The following ANKS3 variants were observed in gnomAD, a reference collection of about 807,000 sequenced individuals.
The protein encoded by ANKS3 is ankyrin repeat and SAM domain-containing protein 3.
A neutral mutation model predicts 80.7 loss-of-function variants in ANKS3; 62 were observed. The observed-to-expected ratio is 0.77, with a 90% confidence interval of 0.63 to 0.95. The LOEUF (loss-of-function observed/expected upper bound fraction) is 0.95, where lower values mean the gene tolerates loss of function less well. Among genes scored for constraint, ANKS3 ranks in the 40% least tolerant of loss-of-function variants. The probability of loss-of-function intolerance (pLI) is 0.00; values close to 1 mark genes in which losing one functional copy is unlikely to be tolerated. For missense variants in ANKS3, 1,150 were observed against 883.6 expected (o/e 1.30, Z -3.82); for synonymous variants, 489 against 355.3 (o/e 1.38, Z -4.23).
intron 1 of ANKS3, among the ~76,000 whole-genome samples, chr16:4,733,350 G>C (rs1050324841): frequency 3.3e-5 from 5 of 151,608 alleles, no homozygotes; most frequent in Non-Finnish European, 5.9e-5. Flanking sequence ...AGAGTGCAGC[G>C]GCGTGATCTC....
rs575907316 is a variant in ANKS3 at position 4,731,108 on chromosome 16, A to G, written c.-3+404T>C. Among the ~76,000 whole-genome samples the G allele has an allele frequency of 5.3e-5, 8 of 152,328 alleles. No homozygotes were observed. In the East Asian group the frequency reaches 1.2e-3, roughly 22 times the overall value. ...CGCTAAATGGAAGAAGCCTGCCTAC[A>G]GTATAATTTCACTTACATGACATTC... On this transcript the variant is annotated intron_variant, in intron 2 of 17. Transcript: ENST00000304283.
chr16:4,721,319 AAG>A (rs1334754489), intron 6 of ANKS3, among the ~76,000 whole-genome samples: 3 of 149,856 alleles, frequency 2.0e-5, no homozygotes, highest in East Asian at 2.0e-4. Context: ...AAAAAAAAAA[AAG>A]AGAGGGGCTG....
intron 9 of ANKS3, 120 bp downstream of exon 9, chr16:4,701,982 T>C: frequency 7.8e-7 from 1 of 1,284,834 alleles, no homozygotes; most frequent in Non-Finnish European, 1.0e-6. Context: ...ACCTACCCCT[T>C]TCCTGTCCTC....
At chr16:4,702,979 G>A (rs1217878641) in intron 8 of ANKS3, among the ~76,000 whole-genome samples, 1 of 152,080 alleles carries the variant, frequency 6.6e-6, no homozygotes, top group African/African-American at 2.4e-5. Flanking sequence ...CTCCAGCCTG[G>A]GCTACAGTGA....
In ANKS3 at chr16:4,701,102, G is replaced by A. The variant is rs200119184; in HGVS notation, c.1152C>T (p.Arg384=). 5.3e-5 allele frequency: 85 copies of A among 1,613,896 alleles called. No homozygotes were observed. The highest frequency in any genetic ancestry group is 6.1e-5 in the Non-Finnish European group (72 of 1,180,046). ...TCTTCATGTAACTTTTAGCTTGTTT[G>A]CGAGCTGAGCTTTTACAGGCATGAT... ...DSDHACKSSA[R]KQAKSYMKTK... Residue 384 remains arginine (R), a synonymous_variant, in exon 11 of 18, where the codon CGC becomes CGT. Coordinates refer to ENST00000304283, the MANE Select transcript of ANKS3 (RefSeq NM_133450.4).
intron 3 of ANKS3, among the ~76,000 whole-genome samples, chr16:4,728,294 C>T (rs1262588566): frequency 2.0e-5 from 3 of 152,170 alleles, no homozygotes; most frequent in African/African-American, 4.8e-5. Context: ...ATCCACCCGC[C>T]TTAGCCTCCC....
chr16:4,716,298 T>C (rs537085386), intron 6 of ANKS3, among the ~76,000 whole-genome samples: 184 of 146,324 alleles, frequency 1.3e-3, no homozygotes, highest in African/African-American at 4.5e-3. Flanking sequence ...GAGGTGGAGG[T>C]TGCAGTGAGC....
At chr16:4,725,148 T>A (rs1242208080) in intron 5 of ANKS3, 2 of 219,054 alleles carry the variant, frequency 9.1e-6, no homozygotes, top group Non-Finnish European at 1.8e-5. Flanking sequence ...CTGTTCTAAT[T>A]CCTCACAGAA....
At chr16:4,723,626 C>T (rs1047431337) in intron 6 of ANKS3, among the ~76,000 whole-genome samples, 4 of 152,232 alleles carry the variant, frequency 2.6e-5, no homozygotes, top group African/African-American at 7.2e-5. Flanking sequence ...CCGCAGCATG[C>T]AGCAGTACTG....
chr16:4,714,975 A>C (rs2080711173), intron 6 of ANKS3, among the ~76,000 whole-genome samples: 1 of 117,224 alleles, frequency 8.5e-6, no homozygotes, highest in Non-Finnish European at 1.7e-5. Context: ...CTGAAGACAG[A>C]GTGAGACTCT....
chr16:4,721,999 G>A (rs1381911570), intron 6 of ANKS3, among the ~76,000 whole-genome samples: 6 of 151,250 alleles, frequency 4.0e-5, no homozygotes, highest in African/African-American at 7.2e-5. Flanking sequence ...AATGCAAGAT[G>A]GGAGCAGCTG....
At chr16:4,706,793 T>C (rs967035194) in intron 7 of ANKS3, among the ~76,000 whole-genome samples, 13 of 152,162 alleles carry the variant, frequency 8.5e-5, no homozygotes, top group East Asian at 1.9e-4. Context: ...GAAAGGTCCT[T>C]TGCATTACCA....
At chr16:4,705,928 T>C (rs988238844) in intron 7 of ANKS3, among the ~76,000 whole-genome samples, 49 of 149,982 alleles carry the variant, frequency 3.3e-4, no homozygotes, top group Non-Finnish European at 1.2e-4. Context: ...GGAAACAACT[T>C]TTTTTTTTTT....
intron 7 of ANKS3, among the ~76,000 whole-genome samples, chr16:4,706,293 C>T (rs532825001): frequency 2.4e-4 from 36 of 152,008 alleles, no homozygotes; most frequent in Admixed American, 7.9e-4. Context: ...TGCAATGGTG[C>T]GATCACGGCT....
At chr16:4,715,302 A>G (rs1470905536) in intron 6 of ANKS3, among the ~76,000 whole-genome samples, 3 of 152,126 alleles carry the variant, frequency 2.0e-5, no homozygotes, top group African/African-American at 7.2e-5. Context: ...ACTATAATCA[A>G]TACAGCATGT....
chr16:4,724,885 A>G lies in ANKS3; in HGVS notation c.492-54T>C, dbSNP rs2081278527. The G allele has an allele frequency of 2.6e-6, 4 of 1,537,240 alleles. No individual in the cohort carries two copies. The African/African-American group carries it at 4.1e-5, about 16-fold the overall frequency. Reference sequence around the variant, plus strand: ...TTGGAAGAGACAAGTTCCGCCAGGCAAAAACTCCCTGCTGAAGATAAACCC... The same window carrying G: ...TTGGAAGAGACAAGTTCCGCCAGGCGAAAACTCCCTGCTGAAGATAAACCC... On this transcript the variant is annotated intron_variant, in intron 5 of 17. Transcript: ENST00000304283.
Position 4,730,056 on chromosome 16 carries a change from C to A in ANKS3, c.94G>T (p.Glu32Ter). 1 of 1,590,272 alleles carries A rather than the reference C, an allele frequency of 6.3e-7. No individual in the cohort carries two copies. Among genetic ancestry groups the A allele is most frequent in the African/African-American group, 1.4e-5 (1 of 73,992 alleles). ...TGAAGATCCAGGGGGACATCCAGCT[C>A]CTCCCCGCTGACCTGTGTCCCGAGC... ...HGLGTQVSGEELDVPLDLHTA... is the reference protein window; with the variant it reads ...HGLGTQVSGE The change falls in exon 3 of 18, where the codon GAG becomes TAG. Residue 32 changes from glutamate (E) to a stop codon, truncating the protein, a stop_gained. Coordinates refer to ENST00000304283, the MANE Select transcript of ANKS3 (RefSeq NM_133450.4). LOFTEE classifies it high-confidence loss of function.
chr16:4,722,404 C>A (rs1232055498), intron 6 of ANKS3, among the ~76,000 whole-genome samples: 4 of 151,544 alleles, frequency 2.6e-5, no homozygotes, highest in Non-Finnish European at 5.9e-5. Flanking sequence ...CACGGTGAAA[C>A]CTTGTCTCTA....
intron 15 of ANKS3, among the ~76,000 whole-genome samples, chr16:4,697,690 C>T (rs1471557222): frequency 6.6e-6 from 1 of 152,228 alleles, no homozygotes; most frequent in East Asian, 1.9e-4. Flanking sequence ...CTGGAGGCTA[C>T]AGAAGTCACT....
Sources: gnomAD v4.1 joint callset for allele counts (sites outside exome capture counted in the v4.1 genomes callset) on GRCh38, gnomAD v4.1.1 for gene constraint, MANE v1.5 for transcripts, NCBI Gene and HGNC (gene_info 2026-07-23, HGNC 2026-07-21) for gene names.